ZNF652: variants seen among roughly 807,000 people sequenced by gnomAD.
ZNF652 encodes the protein zinc finger protein 652.
Under a neutral mutation model 45.2 loss-of-function variants are expected in ZNF652, and 16 were observed. That is an observed-to-expected ratio of 0.35 (90% confidence interval 0.24 to 0.54). The LOEUF is 0.54. Among genes scored for constraint, ZNF652 ranks in the 20% least tolerant of loss-of-function variants. The pLI, the probability that ZNF652 is intolerant of heterozygous loss-of-function variation, is 0.91. For synonymous variants in ZNF652, 250 were observed against 260.6 expected (o/e 0.96, Z 0.39); for missense variants, 614 against 765.6 (o/e 0.80, Z 2.34).
chr17:49,330,644 C>A (rs1396916475), intron 1 of ZNF652, among the ~76,000 whole-genome samples: 1 of 151,778 alleles, frequency 6.6e-6, no homozygotes, highest in Non-Finnish European at 1.5e-5. Flanking sequence ...CAGGTGTGAG[C>A]CACCACACCT....
intron 1 of ZNF652, among the ~76,000 whole-genome samples, chr17:49,340,251 C>T (rs1035707392): frequency 6.6e-6 from 1 of 152,066 alleles, no homozygotes; most frequent in South Asian, 2.1e-4. Context: ...CCCATCTCTA[C>T]CAGAGATAGA....
chr17:49,339,887 C>G (rs566690648), intron 1 of ZNF652, among the ~76,000 whole-genome samples: 1 of 152,326 alleles, frequency 6.6e-6, no homozygotes, highest in East Asian at 1.9e-4. Context: ...GCACATGCCA[C>G]CACGCCCAGC....
chr17:49,298,637 T>C lies in ZNF652; in HGVS notation c.1597A>G (p.Asn533Asp), dbSNP rs758007991. 3 of 1,613,318 alleles carry C rather than the reference T, an allele frequency of 1.9e-6. No homozygotes were observed. The East Asian group carries it at 6.7e-5, about 36-fold the overall frequency. The change falls in exon 6 of 6, where the codon AAT becomes GAT. Residue 533 changes from asparagine to aspartate, a missense_variant. Physicochemically the swap from Asn to Asp is conservative, Grantham distance 23. Around this residue, in one of 5 missense-constraint regions of ZNF652, gnomAD observed 132 missense variants for 137.2 expected, o/e 0.96. Coordinates refer to ENST00000430262, the MANE Select transcript of ZNF652 (RefSeq NM_001145365.3). The part of the protein sequence containing the change: ...ATTPTPPINM[N>D]PVSTLPPRPI... ...CGAGGGGGAAGAGTGCTTACAGGAT[T>C]CATATTGATTGGAGGGGTTGGGGTT...
chr17:49,327,533 T>C (rs144857266), intron 1 of ZNF652, among the ~76,000 whole-genome samples: 1 of 151,020 alleles, frequency 6.6e-6, no homozygotes, highest in African/African-American at 2.4e-5. Flanking sequence ...ATTGTAGGAG[T>C]TGGAACCATC....
Position 49,293,063 on chromosome 17 carries a change from A to T in ZNF652, c.*5350T>A, listed in dbSNP as rs1270055236. Among the ~76,000 whole-genome samples, 2 of 152,162 alleles carry T rather than the reference A, an allele frequency of 1.3e-5. No individual in the cohort carries two copies. Among genetic ancestry groups the T allele is most frequent in the South Asian group, 2.1e-4 (1 of 4,822 alleles). ...ATCAGAGGATTAGAGAGAGGTGCAT[A>T]CTCATGTGTCTGTCATAAAGAAATA... On this transcript the variant is annotated 3_prime_UTR_variant, in exon 6 of 6. Transcript: ENST00000430262.
chr17:49,326,191 T>C (rs12951873), intron 1 of ZNF652, among the ~76,000 whole-genome samples: 62,764 of 146,882 alleles, frequency 0.43, 13,659 homozygotes, highest in East Asian at 0.49. Flanking sequence ...GGTGGGAGAA[T>C]TGCTTGAGCC....
At chr17:49,342,641 T>G (rs572750472) in intron 1 of ZNF652, among the ~76,000 whole-genome samples, 194 of 148,296 alleles carry the variant, frequency 1.3e-3, no homozygotes, top group Non-Finnish European at 2.5e-3. Context: ...ACAGTCCATA[T>G]GAACACACAT....
intron 1 of ZNF652, among the ~76,000 whole-genome samples, chr17:49,320,339 T>A (rs2143814003): frequency 6.6e-6 from 1 of 152,338 alleles, no homozygotes; most frequent in Non-Finnish European, 1.5e-5. Flanking sequence ...AATGCTACCA[T>A]GTTTTACTTG....
chr17:49,341,654 T>G (rs998162066), intron 1 of ZNF652, among the ~76,000 whole-genome samples: 1 of 151,874 alleles, frequency 6.6e-6, no homozygotes, highest in Non-Finnish European at 1.5e-5. Flanking sequence ...ACAGCAAGAC[T>G]GTCTCAAAAA....
rs1485732686 is a variant in ZNF652 at position 49,296,596 on chromosome 17, T to A, written c.*1817A>T. ...AGATTAAAAAATGGACTGGGCATGGTAGCATGCACCTGTAGTCCCAGCTAC... is the reference window on the plus strand; with the variant it reads ...AGATTAAAAAATGGACTGGGCATGGAAGCATGCACCTGTAGTCCCAGCTAC... On this transcript the variant is annotated 3_prime_UTR_variant, in exon 6 of 6. Coordinates refer to ENST00000430262, the MANE Select transcript of ZNF652 (RefSeq NM_001145365.3). The A allele has an allele frequency of 1.3e-5, 2 of 152,210 alleles. No homozygotes were observed. Among genetic ancestry groups the A allele is most frequent in the Non-Finnish European group, 2.9e-5 (2 of 68,040 alleles). 9.4% of individuals were successfully genotyped at this position (152,210 alleles called of 1,614,324 possible). A position where few individuals can be genotyped will look rare whatever the true frequency, so the allele number is the denominator to read the frequency against.
intron 1 of ZNF652, among the ~76,000 whole-genome samples, chr17:49,336,063 C>T (rs1014693174): frequency 4.0e-5 from 6 of 151,882 alleles, no homozygotes; most frequent in Non-Finnish European, 7.4e-5. Flanking sequence ...CTCCCGCCAT[C>T]GCTCAGGCTA....
At chr17:49,341,218 AAAGAAAAGAAAAG>A (rs1057299381) in intron 1 of ZNF652, among the ~76,000 whole-genome samples, 4 of 152,030 alleles carry the variant, frequency 2.6e-5, no homozygotes, top group African/African-American at 7.2e-5. Flanking sequence ...ACTGTCTCAA[AAAGAAAAGAAAAG>A]AAGAAAAGAA....
intron 5 of ZNF652, among the ~76,000 whole-genome samples, chr17:49,306,377 T>G (rs1322891447): frequency 1.3e-5 from 2 of 152,220 alleles, no homozygotes; most frequent in Admixed American, 6.5e-5. Flanking sequence ...AGAAATCATT[T>G]CTCACCTATC....
Position 49,317,185 on chromosome 17 carries a change from T to C in ZNF652, c.541A>G (p.Ile181Val). The change falls in exon 2 of 6, where the codon ATA becomes GTA. Residue 181 changes from isoleucine to valine, a missense_variant. Physicochemically the swap from Ile to Val is conservative, Grantham distance 29. This residue lies in a region of ZNF652 where 262 missense variants were observed against 306.3 expected (regional missense o/e 0.86). Transcript: ENST00000430262. ...ENEKQKKKEKIVEKVSVTQRR... is the reference protein window; with the variant it reads ...ENEKQKKKEKVVEKVSVTQRR... The stretch of plus-strand genomic sequence containing the variant: ...TGTGTAACGCTGACTTTCTCTACTA[T>C]CTTCTCCTTTTTCTTCTGCTTTTCA... The C allele has an allele frequency of 1.2e-6, 2 of 1,613,756 alleles. No homozygotes were observed. Among genetic ancestry groups the C allele is most frequent in the Non-Finnish European group, 1.7e-6 (2 of 1,180,006 alleles).
intron 1 of ZNF652, among the ~76,000 whole-genome samples, chr17:49,348,902 A>G (rs2070240594): frequency 6.6e-6 from 1 of 152,166 alleles, no homozygotes. Flanking sequence ...GTTTCCTAGA[A>G]TGCTTGAGGA....
intron 1 of ZNF652, among the ~76,000 whole-genome samples, chr17:49,346,742 G>T (rs1022979595): frequency 6.6e-6 from 1 of 152,114 alleles, no homozygotes; most frequent in Non-Finnish European, 1.5e-5. Flanking sequence ...ACATCAAAAT[G>T]TATACAAAGT....
chr17:49,354,844 G>A (rs1437670554), intron 1 of ZNF652, among the ~76,000 whole-genome samples: 4 of 151,880 alleles, frequency 2.6e-5, no homozygotes, highest in Admixed American at 2.6e-4. Flanking sequence ...TCATGCCTCA[G>A]CCTCCCCAGT....
At chr17:49,337,148 A>C (rs1300112172) in intron 1 of ZNF652, among the ~76,000 whole-genome samples, 1 of 151,588 alleles carries the variant, frequency 6.6e-6, no homozygotes, top group Non-Finnish European at 1.5e-5. Flanking sequence ...AGCCTGGGCA[A>C]CATGGCGAGA....
intron 2 of ZNF652, among the ~76,000 whole-genome samples, chr17:49,313,571 T>C (rs1031283984): frequency 6.6e-6 from 1 of 152,154 alleles, no homozygotes; most frequent in African/African-American, 2.4e-5. Flanking sequence ...CCAGAGAATA[T>C]AAACTAATTT....
Sources: gnomAD v4.1 joint callset for allele counts (sites outside exome capture counted in the v4.1 genomes callset) on GRCh38, gnomAD v4.1.1 for gene constraint, gnomAD v4.1.1 regional missense constraint, MANE v1.5 for transcripts, NCBI Gene and HGNC (gene_info 2026-07-23, HGNC 2026-07-21) for gene names.